PKN2: variants seen among roughly 807,000 people sequenced by gnomAD.
The protein encoded by PKN2 is serine/threonine-protein kinase N2.
Under a neutral mutation model 119.1 loss-of-function variants are expected in PKN2, and 38 were observed. That is an observed-to-expected ratio of 0.32 (90% CI 0.25 to 0.42). The LOEUF is 0.42. Among genes scored for constraint, PKN2 ranks in the 10% least tolerant of loss-of-function variants. The probability of loss-of-function intolerance (pLI) is 1.00; values close to 1 mark genes in which losing one functional copy is unlikely to be tolerated. For missense variants in PKN2, 850 were observed against 1,165.1 expected (o/e 0.73, Z 3.94); for synonymous variants, 390 against 384.9 (o/e 1.01, Z -0.15).
intron 8 of PKN2, among the ~76,000 whole-genome samples, chr1:88,801,805 G>C (rs950429630): frequency 2.6e-5 from 4 of 152,202 alleles, no homozygotes; most frequent in Non-Finnish European, 4.4e-5. Flanking sequence ...GAGCACACCT[G>C]AACAAAGGAA....
chr1:88,789,102 A>T (rs1670702273), intron 8 of PKN2, among the ~76,000 whole-genome samples: 1 of 152,194 alleles, frequency 6.6e-6, no homozygotes, highest in Non-Finnish European at 1.5e-5. Flanking sequence ...AACTATAGAA[A>T]ATGTCGACCG....
At chr1:88,760,704 G>A (rs907032057) in intron 3 of PKN2, among the ~76,000 whole-genome samples, 6 of 151,804 alleles carry the variant, frequency 4.0e-5, no homozygotes, top group Admixed American at 3.9e-4. Context: ...ACACTATATT[G>A]TGACATCTGA....
chr1:88,724,093 T>C (rs1275106215), intron 1 of PKN2, among the ~76,000 whole-genome samples: 1 of 152,192 alleles, frequency 6.6e-6, no homozygotes, highest in East Asian at 1.9e-4. Context: ...TTAAGTTAGA[T>C]AACTATTTAG....
At chr1:88,820,603 A>G (rs1421965311) in intron 16 of PKN2, among the ~76,000 whole-genome samples, 1 of 152,112 alleles carries the variant, frequency 6.6e-6, no homozygotes, top group African/African-American at 2.4e-5. Context: ...GGTAAATATA[A>G]AACATAGCTA....
intron 16 of PKN2, among the ~76,000 whole-genome samples, chr1:88,816,102 T>A (rs962554379): frequency 6.6e-6 from 1 of 151,262 alleles, no homozygotes; most frequent in Non-Finnish European, 1.5e-5. Flanking sequence ...ATCACGTCAC[T>A]GCACTCCACC....
At chr1:88,774,062 G>A (rs1029953806) in intron 6 of PKN2, among the ~76,000 whole-genome samples, 3 of 152,100 alleles carry the variant, frequency 2.0e-5, no homozygotes, top group African/African-American at 4.8e-5. Context: ...TTAGGATTAC[G>A]TTTTTATTAT....
intron 1 of PKN2, among the ~76,000 whole-genome samples, chr1:88,730,700 A>C (rs1341515565): frequency 6.6e-6 from 1 of 152,200 alleles, no homozygotes; most frequent in African/African-American, 2.4e-5. Flanking sequence ...GGAGGATGCT[A>C]TTATGTAGGC....
intron 11 of PKN2, 25 bp downstream of exon 11, chr1:88,805,696 C>T: frequency 6.2e-7 from 1 of 1,611,598 alleles, no homozygotes; most frequent in Non-Finnish European, 8.5e-7. Flanking sequence ...TTTTAAGCAT[C>T]TCTTATACAA....
intron 1 of PKN2, among the ~76,000 whole-genome samples, chr1:88,703,786 G>T (rs1557550355): frequency 1.3e-5 from 2 of 152,036 alleles, no homozygotes; most frequent in Non-Finnish European, 2.9e-5. Flanking sequence ...CATTTTACAG[G>T]TTAGAAAAAT....
At chr1:88,798,853 C>T (rs1016790637) in intron 8 of PKN2, among the ~76,000 whole-genome samples, 15 of 152,026 alleles carry the variant, frequency 9.9e-5, no homozygotes, top group South Asian at 4.1e-4. Flanking sequence ...AAGATAGCTG[C>T]GTTCAAAAAA....
intron 2 of PKN2, among the ~76,000 whole-genome samples, chr1:88,756,587 C>A (rs1206405764): frequency 6.6e-6 from 1 of 152,096 alleles, no homozygotes; most frequent in Admixed American, 6.6e-5. Context: ...GAATGCATTC[C>A]AGTTCTGTAA....
intron 8 of PKN2, among the ~76,000 whole-genome samples, chr1:88,796,336 G>A (rs1012687822): frequency 1.3e-5 from 2 of 152,036 alleles, no homozygotes; most frequent in African/African-American, 4.8e-5. Flanking sequence ...ACTGCCTGAT[G>A]TGATCCAATC....
chr1:88,824,002 C>T (rs1169168129), intron 17 of PKN2, among the ~76,000 whole-genome samples: 10 of 84,792 alleles, frequency 1.2e-4, no homozygotes, highest in African/African-American at 6.4e-4. Flanking sequence ...AAGTGAGACT[C>T]TGTCTCAAAA....
chr1:88,719,139 G>C (rs1380901355), intron 1 of PKN2, among the ~76,000 whole-genome samples: 47 of 152,126 alleles, frequency 3.1e-4, no homozygotes, highest in Admixed American at 3.1e-3. Flanking sequence ...GGTTGCACTT[G>C]TTTTCCTAAA....
At chr1:88,830,298 C>T (rs1370081426) in intron 19 of PKN2, among the ~76,000 whole-genome samples, 2 of 152,074 alleles carry the variant, frequency 1.3e-5, no homozygotes, top group Non-Finnish European at 2.9e-5. Context: ...GAATTTTTCA[C>T]CTCTATTTAG....
intron 6 of PKN2, among the ~76,000 whole-genome samples, chr1:88,775,879 G>T (rs1344609147): frequency 1.3e-5 from 2 of 152,118 alleles, no homozygotes; most frequent in African/African-American, 2.4e-5. Context: ...GCCGAGGCGG[G>T]TGGATCACGA....
chr1:88,723,378 G>T (rs1190232117), intron 1 of PKN2, among the ~76,000 whole-genome samples: 2 of 150,862 alleles, frequency 1.3e-5, no homozygotes, highest in Admixed American at 6.6e-5. Context: ...CTCCTAAAGT[G>T]CTGGGATTAC....
chr1:88,741,526 C>G (rs914105953), intron 2 of PKN2, among the ~76,000 whole-genome samples: 1 of 152,094 alleles, frequency 6.6e-6, no homozygotes, highest in African/African-American at 2.4e-5. Context: ...CTCTTACTCT[C>G]TATCAGTAGG....
chr1:88,783,064 G>A (rs555461636), intron 6 of PKN2, among the ~76,000 whole-genome samples: 2 of 152,316 alleles, frequency 1.3e-5, no homozygotes, highest in African/African-American at 4.8e-5. Context: ...AGTGCCTCAT[G>A]AATTGAGATT....
Sources: gnomAD v4.1 joint callset for allele counts (sites outside exome capture counted in the v4.1 genomes callset) on GRCh38, gnomAD v4.1.1 for gene constraint, MANE v1.5 for transcripts, NCBI Gene and HGNC (gene_info 2026-07-23, HGNC 2026-07-21) for gene names.